GRK3: variants seen among roughly 807,000 people sequenced by gnomAD.
The protein encoded by GRK3 is adrenergic, beta, receptor kinase 2.
GRK3 carries 54 observed loss-of-function variants against 95.7 expected under a neutral mutation model. That is an observed-to-expected ratio of 0.56 (90% CI 0.45 to 0.71). GRK3 has a LOEUF of 0.71. Among genes scored for constraint, GRK3 ranks in the 30% least tolerant of loss-of-function variants. The pLI is 0.00. For missense variants in GRK3, 649 were observed against 851.2 expected (o/e 0.76, Z 2.96); for synonymous variants, 281 against 290.8 (o/e 0.97, Z 0.34).
chr22:25,711,777 C>G (rs901154025), intron 17 of GRK3, among the ~76,000 whole-genome samples: 1 of 152,078 alleles, frequency 6.6e-6, no homozygotes, highest in Non-Finnish European at 1.5e-5. Context: ...GGCAGCTTGC[C>G]CCAGGCTCTA....
chr22:25,663,858 A>G (rs1274293714), intron 5 of GRK3, among the ~76,000 whole-genome samples, 154 bp downstream of exon 5: 2 of 152,214 alleles, frequency 1.3e-5, no homozygotes. Flanking sequence ...TGAGTTTATT[A>G]TCGCTTATCT....
chr22:25,699,817 G>T (rs1181509148), intron 13 of GRK3, among the ~76,000 whole-genome samples: 1 of 151,070 alleles, frequency 6.6e-6, no homozygotes, highest in African/African-American at 2.4e-5. Flanking sequence ...TCCTGCCTCA[G>T]CCTTCCAAGT....
chr22:25,702,027 A>C (rs1191682074), intron 13 of GRK3, among the ~76,000 whole-genome samples: 1 of 152,012 alleles, frequency 6.6e-6, no homozygotes, highest in South Asian at 2.1e-4. Flanking sequence ...GAATATTTCC[A>C]ATCAAAATCT....
At chr22:25,572,342 G>A (rs1931732734) in intron 1 of GRK3, among the ~76,000 whole-genome samples, 1 of 152,166 alleles carries the variant, frequency 6.6e-6, no homozygotes, top group Admixed American at 6.5e-5. Flanking sequence ...CTTTATAGCA[G>A]CATGATTTAT....
At chr22:25,566,411 A>G (rs1463573256) in intron 1 of GRK3, among the ~76,000 whole-genome samples, 1 of 152,212 alleles carries the variant, frequency 6.6e-6, no homozygotes, top group Non-Finnish European at 1.5e-5. Context: ...CATGAGCCCT[A>G]TGATACAGAA....
chr22:25,699,975 G>A (rs934331976), intron 13 of GRK3, among the ~76,000 whole-genome samples: 4 of 152,180 alleles, frequency 2.6e-5, no homozygotes, highest in Admixed American at 2.0e-4. Context: ...TGGGATTACA[G>A]GCGTGAGCCC....
At chr22:25,659,672 AGTC>A (rs2084897284) in intron 3 of GRK3, among the ~76,000 whole-genome samples, 1 of 152,216 alleles carries the variant, frequency 6.6e-6, no homozygotes, top group African/African-American at 2.4e-5. Context: ...AGCTATTGGT[AGTC>A]GACTGCATGG....
intron 11 of GRK3, 112 bp from the exon 12 acceptor site, chr22:25,690,077 T>C: frequency 1.4e-6 from 1 of 717,974 alleles, no homozygotes; most frequent in South Asian, 1.8e-5. Flanking sequence ...AATTTGTGTT[T>C]AGGAACAAAC....
Position 25,717,996 on chromosome 22 carries a change from A to G in GRK3, c.1655-249A>G, listed in dbSNP as rs80297205. ...TGCCCTCCCAGAGCAATAAATGAAC[A>G]TCATGGATTTATCAGCATATTGAGA... On this transcript the variant is annotated intron_variant, in intron 18 of 20. Coordinates refer to ENST00000324198, the MANE Select transcript of GRK3 (RefSeq NM_005160.4). Among the ~76,000 whole-genome samples, 403 of 152,334 alleles carry G rather than the reference A, an allele frequency of 2.6e-3. 2 individuals are homozygous for G. Among genetic ancestry groups the G allele is most frequent in the African/African-American group, 9.2e-3 (384 of 41,564 alleles).
intron 13 of GRK3, among the ~76,000 whole-genome samples, chr22:25,697,028 T>A (rs1429962376): frequency 6.6e-6 from 1 of 152,190 alleles, no homozygotes; most frequent in Non-Finnish European, 1.5e-5. Flanking sequence ...AGATCTTTAT[T>A]TTGGATCTCT....
chr22:25,711,177 C>T lies in GRK3; in HGVS notation c.1491+14C>T. On this transcript the variant is annotated intron_variant, in intron 17 of 20. Coordinates refer to ENST00000324198, the MANE Select transcript of GRK3 (RefSeq NM_005160.4). ...AAAGGGATTAAGGTACACATGTGATCATTTATTTCTTTATTTTTATTTTTG... is the reference window on the plus strand; with the variant it reads ...AAAGGGATTAAGGTACACATGTGATTATTTATTTCTTTATTTTTATTTTTG... 1 of 1,523,850 alleles carries T rather than the reference C, an allele frequency of 6.6e-7. No homozygotes were observed. The highest frequency in any genetic ancestry group is 9.0e-7 in the Non-Finnish European group (1 of 1,116,744). 94.4% of individuals were successfully genotyped at this position (1,523,850 alleles called of 1,614,324 possible).
chr22:25,713,785 A>C (rs376820666), intron 17 of GRK3, among the ~76,000 whole-genome samples: 5 of 152,310 alleles, frequency 3.3e-5, no homozygotes, highest in East Asian at 1.9e-4. Flanking sequence ...ATTAAGTATA[A>C]TTTTTGTTCC....
intron 2 of GRK3, among the ~76,000 whole-genome samples, chr22:25,643,364 C>G (rs916802733): frequency 6.6e-6 from 1 of 152,200 alleles, no homozygotes; most frequent in East Asian, 1.9e-4. Flanking sequence ...CGAACACTTA[C>G]CATTTTCAAA....
chr22:25,633,116 C>A (rs1274157245), intron 2 of GRK3, among the ~76,000 whole-genome samples: 1 of 151,828 alleles, frequency 6.6e-6, no homozygotes, highest in East Asian at 1.9e-4. Flanking sequence ...AGGGTGTCAC[C>A]ATGTTGGCTA....
chr22:25,678,786 A>T, intron 8 of GRK3, 30 bp from the exon 9 acceptor site: 1 of 1,351,746 alleles, frequency 7.4e-7, no homozygotes, highest in Non-Finnish European at 1.0e-6. Flanking sequence ...TATTTACGGC[A>T]TAGATTTTTC....
At chr22:25,641,108 A>G (rs528940492) in intron 2 of GRK3, among the ~76,000 whole-genome samples, 20 of 152,360 alleles carry the variant, frequency 1.3e-4, no homozygotes, top group Non-Finnish European at 2.4e-4. Context: ...TAGCAGCTCC[A>G]TTTAAACAGC....
intron 1 of GRK3, among the ~76,000 whole-genome samples, chr22:25,599,153 T>G (rs2084391579): frequency 6.6e-6 from 1 of 152,196 alleles, no homozygotes; most frequent in African/African-American, 2.4e-5. Flanking sequence ...TTTTGTGACC[T>G]TGGGTTAGGC....
chr22:25,631,975 A>T (rs1193456955), intron 2 of GRK3, among the ~76,000 whole-genome samples: 4 of 152,290 alleles, frequency 2.6e-5, no homozygotes, highest in Admixed American at 6.5e-5. Flanking sequence ...CCACCAACTG[A>T]ACATTTGGGT....
chr22:25,687,877 T>C (rs2085128948), intron 11 of GRK3, among the ~76,000 whole-genome samples: 1 of 152,198 alleles, frequency 6.6e-6, no homozygotes, highest in Non-Finnish European at 1.5e-5. Context: ...ATTATAACCC[T>C]GGTGCCTACT....
Sources: gnomAD v4.1 joint callset for allele counts (sites outside exome capture counted in the v4.1 genomes callset) on GRCh38, gnomAD v4.1.1 for gene constraint, MANE v1.5 for transcripts, NCBI Gene and HGNC (gene_info 2026-07-23, HGNC 2026-07-21) for gene names.